The following MYH15 variants were observed in gnomAD, a reference collection of about 807,000 sequenced individuals.
MYH15 encodes the protein myosin-15.
In MYH15, 227 loss-of-function variants were observed where a neutral mutation model predicts 240.5. The ratio of observed to expected loss-of-function variants is 0.94; its 90% confidence interval spans 0.85 to 1.05. The LOEUF (loss-of-function observed/expected upper bound fraction) is 1.05, where lower values mean the gene tolerates loss of function less well. Among genes scored for constraint, MYH15 ranks in the 50% least tolerant of loss-of-function variants. The pLI is 0.00. For synonymous variants in MYH15, 785 were observed against 796.7 expected (o/e 0.99, Z 0.25); for missense variants, 2,217 against 2,247.5 (o/e 0.99, Z 0.27).
intron 5 of MYH15, 80 bp from the exon 6 acceptor site, chr3:108,498,225 G>T: frequency 8.2e-7 from 1 of 1,224,022 alleles, no homozygotes; most frequent in Admixed American, 1.7e-5. Flanking sequence ...TGATTATATA[G>T]GCTATGGCAA....
At chr3:108,443,744 T>C (rs989696645) in intron 22 of MYH15, among the ~76,000 whole-genome samples, 2 of 152,108 alleles carry the variant, frequency 1.3e-5, no homozygotes, top group African/African-American at 4.8e-5. Context: ...GACATGATGC[T>C]TTTTTAAAGA....
At chr3:108,431,370 G>A (rs2082777977) in intron 25 of MYH15, among the ~76,000 whole-genome samples, 1 of 152,146 alleles carries the variant, frequency 6.6e-6, no homozygotes, top group African/African-American at 2.4e-5. Context: ...AATCATGGGG[G>A]CAAGTCTTTG....
Position 108,455,747 on chromosome 3 carries a change from C to T in MYH15, c.2251G>A (p.Gly751Arg). 1 of 1,613,770 alleles carries T rather than the reference C, an allele frequency of 6.2e-7. No individual in the cohort carries two copies. Among genetic ancestry groups the T allele is most frequent in the Non-Finnish European group, 8.5e-7 (1 of 1,179,764 alleles). ...AGTTTTCTGGTTACCTTAGTGATTC[C>T]AAATCGGTACTGGGTATGGTCTATC... ...LEIDHTQYRF[G>R]ITKVFFKAGF... The change falls in exon 20 of 41, where the codon GGA (glycine) becomes AGA (arginine). Residue 751 changes from glycine (G) to arginine (R), a missense_variant. Physicochemically the swap from Gly to Arg is moderately radical, Grantham distance 125. Transcript: ENST00000693548.
intron 12 of MYH15, among the ~76,000 whole-genome samples, chr3:108,474,542 AATG>A (rs1471690955): frequency 6.6e-6 from 1 of 151,426 alleles, no homozygotes; most frequent in Non-Finnish European, 1.5e-5. Context: ...TGAGGTACAG[AATG>A]ATATTTTGAT....
chr3:108,540,933 A>G, the MYH15 span, among the ~76,000 whole-genome samples: 1 of 152,148 alleles, frequency 6.6e-6, no homozygotes, highest in African/African-American at 2.4e-5. Flanking sequence ...ATGTATATTC[A>G]TATATTTTAT....
intron 1 of MYH15, among the ~76,000 whole-genome samples, chr3:108,525,322 A>C (rs1356985487): frequency 1.3e-5 from 2 of 152,102 alleles, no homozygotes; most frequent in African/African-American, 4.8e-5. Flanking sequence ...ATTTTTCTAG[A>C]GCTCCTTTAT....
chr3:108,489,219 T>C (rs1053801575), intron 9 of MYH15, among the ~76,000 whole-genome samples: 1 of 152,206 alleles, frequency 6.6e-6, no homozygotes, highest in African/African-American at 2.4e-5. Flanking sequence ...GATTCTCTCT[T>C]GATGATGCAC....
At chr3:108,427,694 G>T (rs970007628) in intron 27 of MYH15, among the ~76,000 whole-genome samples, 2 of 151,372 alleles carry the variant, frequency 1.3e-5, no homozygotes, top group Non-Finnish European at 2.9e-5. Flanking sequence ...TACTCAGTAT[G>T]GTATTTAAAA....
chr3:108,399,917 C>A (rs1298396652), intron 33 of MYH15, among the ~76,000 whole-genome samples: 2 of 152,040 alleles, frequency 1.3e-5, no homozygotes, highest in African/African-American at 4.8e-5. Context: ...AACGTATTTG[C>A]AAAGTGACAG....
In MYH15 at chr3:108,460,372, CAAAAA is replaced by C; in HGVS notation, c.1865-10_1865-6del. On this transcript the variant is annotated splice_polypyrimidine_tract_variant and splice_region_variant and intron_variant, in intron 16 of 40. Coordinates refer to ENST00000693548, the MANE Select transcript of MYH15 (RefSeq NM_014981.3). ...TCTTCTCCCCAAATGGTATAGCTAG[CAAAAA>C]AAAAAAAAGAAAAAGATGAAAACAT... 6 of 1,333,282 alleles carry C rather than the reference CAAAAA, an allele frequency of 4.5e-6. No homozygotes were observed. The highest frequency in any genetic ancestry group is 5.0e-6 in the Non-Finnish European group (5 of 995,646). 82.6% of individuals were successfully genotyped at this position (1,333,282 alleles called of 1,614,324 possible).
intron 10 of MYH15, 57 bp downstream of exon 10, chr3:108,486,364 CTG>C: frequency 7.1e-7 from 1 of 1,400,278 alleles, no homozygotes; most frequent in Non-Finnish European, 1.0e-6. Flanking sequence ...CTCTAAGATT[CTG>C]TCTTTCATTT....
chr3:108,524,376 T>G (rs2107271441), intron 1 of MYH15, among the ~76,000 whole-genome samples: 1 of 152,124 alleles, frequency 6.6e-6, no homozygotes, highest in South Asian at 2.1e-4. Flanking sequence ...TTTATTTCGT[T>G]TATCTTGTCT....
At chr3:108,494,723 G>A (rs1488459494) in intron 7 of MYH15, among the ~76,000 whole-genome samples, 1 of 151,990 alleles carries the variant, frequency 6.6e-6, no homozygotes, top group Non-Finnish European at 1.5e-5. Context: ...TGAACTTCTG[G>A]GCTCAAGTGA....
chr3:108,542,220 G>T, the MYH15 span, among the ~76,000 whole-genome samples: 1 of 151,968 alleles, frequency 6.6e-6, no homozygotes, highest in Non-Finnish European at 1.5e-5. Flanking sequence ...TTGGATTACT[G>T]ACACATTTAT....
chr3:108,502,783 T>C (rs186239232), intron 2 of MYH15, among the ~76,000 whole-genome samples: 40 of 152,248 alleles, frequency 2.6e-4, no homozygotes, highest in Non-Finnish European at 4.1e-4. Context: ...CTTTACATTC[T>C]TGATTCAATT....
intron 29 of MYH15, 59 bp downstream of exon 29, chr3:108,416,753 A>AC (rs2082636058): frequency 5.0e-6 from 6 of 1,201,720 alleles, no homozygotes; most frequent in Middle Eastern, 1.9e-4. Context: ...ATCAAGCACT[A>AC]TTTTTTAAAA....
the MYH15 span, among the ~76,000 whole-genome samples, chr3:108,540,958 T>C: frequency 1.3e-5 from 2 of 152,012 alleles, no homozygotes; most frequent in South Asian, 2.1e-4. Context: ...ACAATGAACA[T>C]ATAATGAACA....
intron 12 of MYH15, among the ~76,000 whole-genome samples, chr3:108,474,092 A>T (rs1224697432): frequency 6.6e-6 from 1 of 152,212 alleles, no homozygotes; most frequent in Admixed American, 6.5e-5. Context: ...TTATAGCTAG[A>T]ACTAAATTTT....
At chr3:108,452,580 C>A (rs948291889) in intron 21 of MYH15, among the ~76,000 whole-genome samples, 7 of 151,832 alleles carry the variant, frequency 4.6e-5, no homozygotes, top group Non-Finnish European at 1.0e-4. Flanking sequence ...ACAATATATA[C>A]AAAATATTAT....
Sources: gnomAD v4.1 joint callset for allele counts (sites outside exome capture counted in the v4.1 genomes callset) on GRCh38, gnomAD v4.1.1 for gene constraint, MANE v1.5 for transcripts, NCBI Gene and HGNC (gene_info 2026-07-23, HGNC 2026-07-21) for gene names.